The following HELZ variants were observed in gnomAD, a reference collection of about 807,000 sequenced individuals.
HELZ encodes ATP-dependent RNA helicase with zinc finger domain.
A neutral mutation model predicts 218.2 loss-of-function variants in HELZ; 23 were observed. The ratio of observed to expected loss-of-function variants is 0.11; its 90% CI spans 0.08 to 0.15. The LOEUF (loss-of-function observed/expected upper bound fraction) is 0.15, where lower values mean the gene tolerates loss of function less well. Ranked by LOEUF, HELZ falls within the 10% of genes least tolerant of loss-of-function variation. The probability of loss-of-function intolerance (pLI) is 1.00; values close to 1 mark genes in which losing one functional copy is unlikely to be tolerated. For synonymous variants in HELZ, 814 were observed against 829.4 expected (o/e 0.98, Z 0.32); for missense variants, 1,813 against 2,353.7 (o/e 0.77, Z 4.75).
intron 3 of HELZ, among the ~76,000 whole-genome samples, chr17:67,229,814 A>G (rs1396152150): frequency 6.6e-6 from 1 of 152,226 alleles, no homozygotes. Context: ...TACTGTACTT[A>G]ATATTCAGCC....
Position 67,193,702 on chromosome 17 carries a change from C to G in HELZ, c.557+265G>C, listed in dbSNP as rs565816941. ...CTGCATTCTAGCCTGGGCAATAGGG[C>G]GAGACTCCATCTCAAAAAAAATAAA... On this transcript the variant is annotated intron_variant, in intron 9 of 32. Transcript: ENST00000358691. Among the ~76,000 whole-genome samples, 6 of 152,078 alleles carry G rather than the reference C, an allele frequency of 3.9e-5. No individual in the cohort carries two copies. The South Asian group carries it at 1.2e-3, about 32-fold the overall frequency.
At chr17:67,143,727 CA>C (rs922811700) in intron 21 of HELZ, among the ~76,000 whole-genome samples, 1 of 151,374 alleles carries the variant, frequency 6.6e-6, no homozygotes, top group African/African-American at 2.4e-5. Context: ...AGTTCAGAAT[CA>C]AGAAAAAAAA....
intron 3 of HELZ, among the ~76,000 whole-genome samples, chr17:67,227,472 C>A (rs112574364): frequency 1.3e-5 from 2 of 152,252 alleles, no homozygotes; most frequent in Admixed American, 1.3e-4. Context: ...CAGGTGTGAG[C>A]CACCACACCC....
At chr17:67,245,089 G>C (rs992218598) in intron 1 of HELZ, 59 bp downstream of exon 1, 2 of 984,988 alleles carry the variant, frequency 2.0e-6, no homozygotes, top group African/African-American at 1.7e-5. Flanking sequence ...CCTCCCCGGA[G>C]AGCTCCGGGA....
intron 5 of HELZ, chr17:67,215,688 G>A (rs909397598): frequency 8.8e-6 from 5 of 571,236 alleles, no homozygotes; most frequent in Non-Finnish European, 6.4e-6. Flanking sequence ...TGTTCCCAGG[G>A]GAGTGACAAG....
At chr17:67,234,292 C>CAAAAAAAAAAA (rs149931184) in intron 3 of HELZ, among the ~76,000 whole-genome samples, 1 of 83,198 alleles carries the variant, frequency 1.2e-5, no homozygotes, top group Non-Finnish European at 2.6e-5. Flanking sequence ...CACTGTACTC[C>CAAAAAAAAAAA]AAAAAAAAAA....
At chr17:67,081,583 C>G (rs540536414) in intron 32 of HELZ, among the ~76,000 whole-genome samples, 4 of 152,104 alleles carry the variant, frequency 2.6e-5, no homozygotes, top group African/African-American at 7.2e-5. Flanking sequence ...TCTTATTTCC[C>G]AAACTAGATA....
chr17:67,219,523 A>G (rs964296784), intron 3 of HELZ, among the ~76,000 whole-genome samples: 16 of 152,264 alleles, frequency 1.1e-4, no homozygotes, highest in African/African-American at 3.1e-4. Flanking sequence ...GGAGTTCACC[A>G]TACAGATGAC....
At chr17:67,100,953 T>C (rs2036907708) in intron 31 of HELZ, among the ~76,000 whole-genome samples, 1 of 151,172 alleles carries the variant, frequency 6.6e-6, no homozygotes, top group Non-Finnish European at 1.5e-5. Flanking sequence ...ATTAAAAATA[T>C]TAAAAAATTA....
chr17:67,087,768 T>C (rs1232345994), intron 31 of HELZ, among the ~76,000 whole-genome samples: 1 of 152,220 alleles, frequency 6.6e-6, no homozygotes, highest in East Asian at 1.9e-4. Context: ...ACTCCCTGTA[T>C]TTGCACAACC....
rs898356515 is a variant in HELZ at position 67,076,061 on chromosome 17, G to A, written c.*2191C>T. 6.6e-6 allele frequency: 1 copy of A among 152,464 alleles called. No homozygotes were observed. Among genetic ancestry groups the A allele is most frequent in the Non-Finnish European group, 1.5e-5 (1 of 68,002 alleles). The allele number at this position is 152,464 out of a possible 1,614,324, so 9.4% of individuals were successfully genotyped here. A position where few individuals can be genotyped will look rare whatever the true frequency, so the allele number is the denominator to read the frequency against. ...TTCAAGTATAGAAAACAGAAAATTA[G>A]GCAATAACCTCATGACAAGGGGTCA... is the stretch of plus-strand genomic sequence containing the variant. On this transcript the variant is annotated 3_prime_UTR_variant, in exon 33 of 33. Transcript: ENST00000358691.
chr17:67,240,750 G>A (rs764855945), intron 2 of HELZ, among the ~76,000 whole-genome samples: 5 of 152,200 alleles, frequency 3.3e-5, no homozygotes, highest in Non-Finnish European at 5.9e-5. Flanking sequence ...CAAGATATAT[G>A]TATACACTCT....
At chr17:67,242,436 AT>A (rs1877882467) in intron 2 of HELZ, among the ~76,000 whole-genome samples, 1 of 142,708 alleles carries the variant, frequency 7.0e-6, no homozygotes, top group Non-Finnish European at 1.5e-5. Context: ...AAGAAAAAAA[AT>A]CTATCTATCT....
At chr17:67,149,364 C>T (rs961029622) in intron 19 of HELZ, among the ~76,000 whole-genome samples, 2 of 152,154 alleles carry the variant, frequency 1.3e-5, no homozygotes, top group Non-Finnish European at 2.9e-5. Context: ...AAACAGGTAT[C>T]TTCACAGAAA....
At chr17:67,208,183 G>A (rs1222447679) in intron 5 of HELZ, among the ~76,000 whole-genome samples, 1 of 152,108 alleles carries the variant, frequency 6.6e-6, no homozygotes, top group African/African-American at 2.4e-5. Context: ...AGGAAGGGTG[G>A]TTGAGTGTGA....
At chr17:67,089,839 A>C (rs1383770204) in intron 31 of HELZ, among the ~76,000 whole-genome samples, 3 of 151,162 alleles carry the variant, frequency 2.0e-5, no homozygotes, top group Non-Finnish European at 3.0e-5. Flanking sequence ...GGCTTTTTCT[A>C]TACTGACAAC....
intron 26 of HELZ, among the ~76,000 whole-genome samples, chr17:67,122,511 AC>A (rs2037643507): frequency 6.6e-6 from 1 of 151,228 alleles, no homozygotes; most frequent in Non-Finnish European, 1.5e-5. Context: ...ACGCCACAGC[AC>A]TCCAGCCGGG....
At chr17:67,120,710 T>C (rs954478171) in intron 26 of HELZ, 98 bp from the exon 27 acceptor site, 24 of 738,620 alleles carry the variant, frequency 3.2e-5, no homozygotes, top group Middle Eastern at 7.3e-4. Context: ...TACAAAGACA[T>C]ACAAACACAC....
Position 67,212,375 on chromosome 17 carries a change from G to A in HELZ, c.247+3524C>T, listed in dbSNP as rs1471868242. ...TAAAATGCAAACATAAGAAGTCCACGGTCTGGAGTGCTTAAACTATGAGCT... is the reference window on the plus strand; with the variant it reads ...TAAAATGCAAACATAAGAAGTCCACAGTCTGGAGTGCTTAAACTATGAGCT... On this transcript the variant is annotated intron_variant, in intron 5 of 32. Coordinates refer to ENST00000358691, the MANE Select transcript of HELZ (RefSeq NM_014877.4). Among the ~76,000 whole-genome samples, 9 of 123,292 alleles carry A rather than the reference G, an allele frequency of 7.3e-5. No homozygotes were observed. In the East Asian group the frequency reaches 1.3e-3, roughly 18 times the overall value. 80.9% of individuals were successfully genotyped at this position (123,292 alleles called of 152,430 possible).
Sources: gnomAD v4.1 joint callset for allele counts (sites outside exome capture counted in the v4.1 genomes callset) on GRCh38, gnomAD v4.1.1 for gene constraint, MANE v1.5 for transcripts, NCBI Gene and HGNC (gene_info 2026-07-23, HGNC 2026-07-21) for gene names.